The following ERBB4 variants were observed in gnomAD, a reference collection of about 807,000 sequenced individuals.
The protein encoded by ERBB4 is receptor tyrosine-protein kinase erbB-4.
A neutral mutation model predicts 158.0 loss-of-function variants in ERBB4; 42 were observed. The ratio of observed to expected loss-of-function variants is 0.27; its 90% CI spans 0.21 to 0.34. The LOEUF (loss-of-function observed/expected upper bound fraction) is 0.34, where lower values mean the gene tolerates loss of function less well. Among genes scored for constraint, ERBB4 ranks in the 10% least tolerant of loss-of-function variants. The pLI, the probability that ERBB4 is intolerant of heterozygous loss-of-function variation, is 1.00. For synonymous variants in ERBB4, 583 were observed against 558.7 expected (o/e 1.04, Z -0.61); for missense variants, 1,333 against 1,624.1 (o/e 0.82, Z 3.08).
Position 211,750,791 on chromosome 2 carries a change from T to C in ERBB4, c.557-87A>G, listed in dbSNP as rs6757068. On this transcript the variant is annotated intron_variant, in intron 4 of 27. Coordinates refer to ENST00000342788, the MANE Select transcript of ERBB4 (RefSeq NM_005235.3). ...AGTAACTCCTCAAAGGAAATACTCCTGCTCCTTTATGAGGATTTTTATGTC... is the reference window on the plus strand; with the variant it reads ...AGTAACTCCTCAAAGGAAATACTCCCGCTCCTTTATGAGGATTTTTATGTC... 0.48 allele frequency: 533,141 copies of C among 1,103,982 alleles called. 131,432 individuals are homozygous for C. The highest frequency in any genetic ancestry group is 0.58 in the Middle Eastern group (2,923 of 5,046). The allele number at this position is 1,103,982 out of a possible 1,614,324, so 68.4% of individuals were successfully genotyped here. A position where few individuals can be genotyped will look rare whatever the true frequency, so the allele number is the denominator to read the frequency against.
At chr2:212,383,222 G>GT (rs2090568284) in intron 1 of ERBB4, among the ~76,000 whole-genome samples, 1 of 151,216 alleles carries the variant, frequency 6.6e-6, no homozygotes, top group African/African-American at 2.4e-5. Flanking sequence ...CTTTTTCCCA[G>GT]ATGACTTACC....
intron 1 of ERBB4, among the ~76,000 whole-genome samples, chr2:212,266,322 T>C (rs1262229904): frequency 6.6e-6 from 1 of 152,000 alleles, no homozygotes; most frequent in Non-Finnish European, 1.5e-5. Context: ...ATTTCTATCC[T>C]GAGGCAGAAG....
At chr2:211,403,045 T>A (rs566262211) in intron 25 of ERBB4, among the ~76,000 whole-genome samples, 1 of 152,130 alleles carries the variant, frequency 6.6e-6, no homozygotes, top group East Asian at 1.9e-4. Flanking sequence ...TTTTATAAAA[T>A]TTGCAAAAGT....
At chr2:211,823,551 TC>T (rs1164441388) in intron 3 of ERBB4, among the ~76,000 whole-genome samples, 1 of 152,032 alleles carries the variant, frequency 6.6e-6, no homozygotes, top group African/African-American at 2.4e-5. Flanking sequence ...CTAGCAGAAT[TC>T]ACTTTATTAC....
At chr2:212,320,408 T>C (rs1046400491) in intron 1 of ERBB4, among the ~76,000 whole-genome samples, 3 of 149,036 alleles carry the variant, frequency 2.0e-5, no homozygotes, top group African/African-American at 7.3e-5. Flanking sequence ...CTCCAGTTCC[T>C]GATCACGTTC....
At chr2:211,813,881 T>C (rs1235707768) in intron 3 of ERBB4, among the ~76,000 whole-genome samples, 2 of 152,178 alleles carry the variant, frequency 1.3e-5, no homozygotes, top group Admixed American at 1.3e-4. Context: ...AATTCTCTTT[T>C]AATTAGAGCA....
At chr2:211,409,319 T>C (rs944650326) in intron 25 of ERBB4, among the ~76,000 whole-genome samples, 2 of 152,114 alleles carry the variant, frequency 1.3e-5, no homozygotes, top group Admixed American at 6.6e-5. Flanking sequence ...TGCTTTTCAG[T>C]TACCCTTGTT....
intron 15 of ERBB4, among the ~76,000 whole-genome samples, chr2:211,660,321 T>A (rs983899675): frequency 2.6e-5 from 4 of 152,134 alleles, no homozygotes; most frequent in Admixed American, 1.3e-4. Context: ...ACGTAAGAGA[T>A]GATGGACCAA....
At chr2:211,786,978 C>G (rs187813751) in intron 4 of ERBB4, among the ~76,000 whole-genome samples, 3 of 152,284 alleles carry the variant, frequency 2.0e-5, no homozygotes, top group Admixed American at 1.3e-4. Flanking sequence ...TTATGTTACT[C>G]TACTTTTTAC....
intron 20 of ERBB4, among the ~76,000 whole-genome samples, chr2:211,489,038 A>C (rs1382103195): frequency 2.6e-5 from 4 of 152,046 alleles, no homozygotes; most frequent in East Asian, 1.9e-4. Context: ...AAGAAACAAA[A>C]GCTAATCTTT....
intron 19 of ERBB4, among the ~76,000 whole-genome samples, chr2:211,573,229 C>T (rs1323907879): frequency 6.6e-6 from 1 of 152,140 alleles, no homozygotes; most frequent in Non-Finnish European, 1.5e-5. Context: ...CTGTAGCCAC[C>T]CGCAGCTGGA....
At chr2:211,497,544 C>T (rs2065500157) in intron 20 of ERBB4, among the ~76,000 whole-genome samples, 1 of 152,066 alleles carries the variant, frequency 6.6e-6, no homozygotes, top group Non-Finnish European at 1.5e-5. Context: ...TCACTTACTT[C>T]AACAGAGATG....
At chr2:212,058,201 A>G (rs2077641444) in intron 2 of ERBB4, among the ~76,000 whole-genome samples, 1 of 152,230 alleles carries the variant, frequency 6.6e-6, no homozygotes, top group Non-Finnish European at 1.5e-5. Context: ...AGAAGTGGAT[A>G]AATTCCTGGA....
At chr2:211,627,418 G>A (rs2069902599) in intron 17 of ERBB4, among the ~76,000 whole-genome samples, 2 of 152,176 alleles carry the variant, frequency 1.3e-5, no homozygotes, top group South Asian at 4.1e-4. Flanking sequence ...CCTTTATTTT[G>A]CTTGAACATG....
intron 3 of ERBB4, among the ~76,000 whole-genome samples, chr2:211,940,177 G>C (rs1428184082): frequency 6.6e-6 from 1 of 151,984 alleles, no homozygotes; most frequent in Non-Finnish European, 1.5e-5. Flanking sequence ...TGCAGTTCAG[G>C]GTCTGAAAGC....
chr2:211,635,480 A>G (rs1454633341), intron 16 of ERBB4, among the ~76,000 whole-genome samples: 1 of 152,178 alleles, frequency 6.6e-6, no homozygotes, highest in Non-Finnish European at 1.5e-5. Context: ...CTTAATTACT[A>G]TATTTGGACC....
chr2:212,224,890 T>A (rs932844442), intron 1 of ERBB4, among the ~76,000 whole-genome samples: 2 of 152,106 alleles, frequency 1.3e-5, no homozygotes, highest in Non-Finnish European at 2.9e-5. Flanking sequence ...TGTTGAGTCA[T>A]ACATTTTATG....
At chr2:211,933,272 C>T (rs540680784) in intron 3 of ERBB4, among the ~76,000 whole-genome samples, 2 of 152,230 alleles carry the variant, frequency 1.3e-5, no homozygotes, top group South Asian at 2.1e-4. Flanking sequence ...TTCAGCCACA[C>T]ATTCACTATG....
intron 2 of ERBB4, among the ~76,000 whole-genome samples, chr2:212,069,419 C>A (rs1185018461): frequency 2.6e-5 from 4 of 151,918 alleles, no homozygotes; most frequent in African/African-American, 9.7e-5. Flanking sequence ...AACTAACAAC[C>A]TGAAACGGAC....
Sources: gnomAD v4.1 joint callset for allele counts (sites outside exome capture counted in the v4.1 genomes callset) on GRCh38, gnomAD v4.1.1 for gene constraint, MANE v1.5 for transcripts, NCBI Gene and HGNC (gene_info 2026-07-23, HGNC 2026-07-21) for gene names.